Variants in CACNA1H observed in about 807,000 individuals in gnomAD.
The protein encoded by CACNA1H is voltage-dependent T-type calcium channel subunit alpha-1H.
CACNA1H carries 149 observed loss-of-function variants against 192.5 expected under a neutral mutation model. The ratio of observed to expected loss-of-function variants is 0.77; its 90% confidence interval spans 0.68 to 0.89. The LOEUF (loss-of-function observed/expected upper bound fraction) is 0.89. CACNA1H is among the 40% of genes least tolerant of loss of function. The pLI, the probability that CACNA1H is intolerant of heterozygous loss-of-function variation, is 0.00. For synonymous variants in CACNA1H, 2,202 were observed against 1,475.2 expected (o/e 1.49, Z -11.29); for missense variants, 4,257 against 3,423.5 (o/e 1.24, Z -6.08).
chr16:1,160,575 C>G (rs894899369), intron 2 of CACNA1H, among the ~76,000 whole-genome samples: 1 of 152,174 alleles, frequency 6.6e-6, no homozygotes, highest in East Asian at 1.9e-4. Flanking sequence ...AGCAGCTTGC[C>G]GTGGTGCAGG....
At chr16:1,163,504 G>A (rs555126889) in intron 2 of CACNA1H, among the ~76,000 whole-genome samples, 1 of 152,346 alleles carries the variant, frequency 6.6e-6, no homozygotes, top group East Asian at 1.9e-4. Flanking sequence ...TGTCCAGATG[G>A]CCAGAGAGCA....
rs949540336 is a variant in CACNA1H, at chr16:1,180,066, C to T, written c.300-14906C>T. Among the ~76,000 whole-genome samples, 4 of 152,170 alleles carry T rather than the reference C, an allele frequency of 2.6e-5. No homozygotes were observed. Among genetic ancestry groups the T allele is most frequent in the African/African-American group, 7.2e-5 (3 of 41,452 alleles). Reference sequence around the variant, plus strand: ...TGTTTTTTAATATACATCTGGTTGCCGGGTGATACTGAGGGGGCCGGGCTC... The same window carrying T: ...TGTTTTTTAATATACATCTGGTTGCTGGGTGATACTGAGGGGGCCGGGCTC... On this transcript the variant is annotated intron_variant, in intron 2 of 34. Coordinates refer to ENST00000348261, the MANE Select transcript of CACNA1H (RefSeq NM_021098.3). The surrounding 1 kb of genome is among the most constrained non-coding windows in gnomAD (Gnocchi z 4.4).
At position 1,211,995 on chromosome 16, in the gene CACNA1H, T is replaced by C; in HGVS notation, c.4616T>C (p.Leu1539Pro). 2 of 1,613,568 alleles carry C rather than the reference T, an allele frequency of 1.2e-6. No individual in the cohort carries two copies. Among genetic ancestry groups the C allele is most frequent in the Non-Finnish European group, 1.7e-6 (2 of 1,179,694 alleles). Residue 1539 changes from leucine (L) to proline (P), a missense_variant, in exon 25 of 35, where the codon CTG becomes CCG. By Grantham distance (98) the Leu-to-Pro change is moderately conservative. Transcript: ENST00000348261. ...PWMLLYFISFLLIVSFFVLNM... is the reference protein window; with the variant it reads ...PWMLLYFISFPLIVSFFVLNM... ...ATGCTGCTGTACTTCATCTCCTTCC[T>C]GCTCATCGTCAGCTTCTTCGTGCTC...
Position 1,200,709 on chromosome 16 carries a change from C to G in CACNA1H, c.1120-7C>G, listed in dbSNP as rs766565300. ...TGCGGGCCCAAGTCAAGCCACTGCC[C>G]CCCCAGGTGATCACGCTGGAAGGCT... On this transcript the variant is annotated splice_polypyrimidine_tract_variant and splice_region_variant and intron_variant, in intron 7 of 34. Transcript: ENST00000348261. 1 of 1,565,150 alleles carries G rather than the reference C, an allele frequency of 6.4e-7. No individual in the cohort carries two copies. Among genetic ancestry groups the G allele is most frequent in the Non-Finnish European group, 8.7e-7 (1 of 1,154,796 alleles).
rs970015332 is a variant in CACNA1H, at chr16:1,215,698, G to A, written c.5244+105G>A. On this transcript the variant is annotated intron_variant, in intron 30 of 34. Coordinates refer to ENST00000348261, the MANE Select transcript of CACNA1H (RefSeq NM_021098.3). ...CCCTCACTCGTTTCTCTGGTCCCTC[G>A]GTTGTGTGGTGGCTGAAGCTGCGTC... The A allele has an allele frequency of 1.4e-5, 13 of 905,820 alleles. No homozygotes were observed. The Middle Eastern group carries it at 6.4e-4, about 45-fold the overall frequency. The allele number at this position is 905,820 out of a possible 1,614,324, so 56.1% of individuals were successfully genotyped here. A position where few individuals can be genotyped will look rare whatever the true frequency, so the allele number is the denominator to read the frequency against.
At chr16:1,191,400 C>T (rs542757195) in intron 2 of CACNA1H, among the ~76,000 whole-genome samples, 22 of 73,484 alleles carry the variant, frequency 3.0e-4, no homozygotes, top group African/African-American at 8.3e-4. Context: ...CTCGGGGTTT[C>T]GGTGACCCAG....
chr16:1,212,752 G>A (rs575663057), intron 26 of CACNA1H, among the ~76,000 whole-genome samples: 44 of 152,304 alleles, frequency 2.9e-4, no homozygotes, highest in Admixed American at 2.0e-3. Context: ...CTGCATCTCC[G>A]CCGTGCGCCG....
chr16:1,156,207 T>C lies in CACNA1H; in HGVS notation c.299+2171T>C, dbSNP rs1489227582. ...TTGGCTCTCCCAGCTCCAAACGCAG[T>C]GATGGGGGGTGTCCCCACTCCAGGA... On this transcript the variant is annotated intron_variant, in intron 2 of 34. Transcript: ENST00000348261. 3.9e-5 allele frequency among the ~76,000 whole-genome samples: 6 copies of C among 152,200 alleles called. No individual in the cohort carries two copies. The East Asian group carries it at 9.7e-4, about 25-fold the overall frequency.
At chr16:1,203,777 C>T (rs910413454) in intron 9 of CACNA1H, among the ~76,000 whole-genome samples, 2 of 152,188 alleles carry the variant, frequency 1.3e-5, no homozygotes, top group African/African-American at 2.4e-5. Context: ...TTGGAACAGT[C>T]GTGGCTCAGG....
chr16:1,211,397 T>C, intron 22 of CACNA1H, 84 bp from the exon 23 acceptor site: 1 of 1,606,736 alleles, frequency 6.2e-7, no homozygotes, highest in Non-Finnish European at 8.5e-7. Context: ...GAGGGACAGC[T>C]CGGGCCTCAC....
chr16:1,210,996 GGGGCAACCT>G, intron 21 of CACNA1H, 25 bp downstream of exon 21: 1 of 1,585,172 alleles, frequency 6.3e-7, no homozygotes, highest in Non-Finnish European at 8.5e-7. Flanking sequence ...GTGGGCTCCC[GGGGCAACCT>G]GGAAGCACAG....
At chr16:1,213,354 AGCCACGT>A (rs1313732789) in intron 26 of CACNA1H, among the ~76,000 whole-genome samples, 1 of 152,178 alleles carries the variant, frequency 6.6e-6, no homozygotes, top group East Asian at 1.9e-4. Flanking sequence ...ACAGAGGCCC[AGCCACGT>A]GCTGCGCCAA....
chr16:1,202,231 C>G lies in CACNA1H; in HGVS notation c.1781C>G (p.Ala594Gly), dbSNP rs1290847155. 15 of 1,556,944 alleles carry G rather than the reference C, an allele frequency of 9.6e-6. No homozygotes were observed. Among genetic ancestry groups the G allele is most frequent in the East Asian group, 2.4e-5 (1 of 41,212 alleles). The change falls in exon 9 of 35, where the codon GCC becomes GGC. Residue 594 changes from alanine (A) to glycine (G), a missense_variant. Transcript: ENST00000348261. ...GPQERARVAH[A>G]AATAAASLRL... ...CAGGAGAGGGCCCGGGTGGCACATG[C>G]CGCAGCCACTGCCGCTGCCAGCCTC...
chr16:1,183,315 C>T (rs563953998), intron 2 of CACNA1H, among the ~76,000 whole-genome samples: 12 of 152,286 alleles, frequency 7.9e-5, no homozygotes, highest in Admixed American at 2.0e-4. Flanking sequence ...GGACCTCACC[C>T]CTTCCTGAGT....
intron 30 of CACNA1H, among the ~76,000 whole-genome samples, chr16:1,216,177 C>T (rs1476992146): frequency 6.6e-6 from 1 of 152,206 alleles, no homozygotes; most frequent in African/African-American, 2.4e-5. Flanking sequence ...CCGGCACCTC[C>T]TCCTGTTCCC....
chr16:1,207,794 G>T lies in CACNA1H; in HGVS notation c.3088G>T (p.Asp1030Tyr). ...GGGCGATGCCAACAGATCCGACACG[G>T]ACGAGGACAAGACGTCGGTCCACTT... is the stretch of plus-strand genomic sequence containing the variant. ...AEGDANRSDTDEDKTSVHFEE... is the reference protein window; with the variant it reads ...AEGDANRSDTYEDKTSVHFEE... Residue 1030 changes from aspartate (D) to tyrosine (Y), a missense_variant, in exon 15 of 35, where the codon GAC becomes TAC. By Grantham distance (160) the Asp-to-Tyr change is radical. Coordinates refer to ENST00000348261, the MANE Select transcript of CACNA1H (RefSeq NM_021098.3). 6.2e-7 allele frequency: 1 copy of T among 1,602,370 alleles called. No homozygotes were observed. The highest frequency in any genetic ancestry group is 8.5e-7 in the Non-Finnish European group (1 of 1,174,770).
intron 2 of CACNA1H, among the ~76,000 whole-genome samples, chr16:1,172,367 CCT>C (rs1377208974): frequency 6.6e-6 from 1 of 152,200 alleles, no homozygotes; most frequent in Admixed American, 6.5e-5. Flanking sequence ...TACCTGGGCC[CCT>C]CTCACGCCGT....
chr16:1,184,011 C>T (rs1424394279), intron 2 of CACNA1H, among the ~76,000 whole-genome samples: 2 of 152,208 alleles, frequency 1.3e-5, no homozygotes, highest in African/African-American at 4.8e-5. Context: ...TCATCGGATG[C>T]CAGGGACAGA....
intron 26 of CACNA1H, among the ~76,000 whole-genome samples, chr16:1,213,554 A>G (rs926420525): frequency 2.0e-5 from 3 of 152,166 alleles, no homozygotes; most frequent in East Asian, 3.9e-4. Context: ...CCAGCTCCCC[A>G]GGGAGCTGCA....
Sources: gnomAD v4.1 joint callset for allele counts (sites outside exome capture counted in the v4.1 genomes callset) on GRCh38, gnomAD v4.1.1 for gene constraint, Gnocchi (gnomAD v3.1) non-coding constraint, MANE v1.5 for transcripts, NCBI Gene and HGNC (gene_info 2026-07-23, HGNC 2026-07-21) for gene names.